UNC5B: variants seen among roughly 807,000 people sequenced by gnomAD.
UNC5B encodes the protein netrin receptor UNC5B.
A neutral mutation model predicts 103.7 loss-of-function variants in UNC5B; 56 were observed. The ratio of observed to expected loss-of-function variants is 0.54; its 90% CI spans 0.44 to 0.67. UNC5B has a LOEUF of 0.67. Among genes scored for constraint, UNC5B ranks in the 30% least tolerant of loss-of-function variants. UNC5B has a pLI of 0.00. For synonymous variants in UNC5B, 577 were observed against 542.0 expected (o/e 1.06, Z -0.90); for missense variants, 1,194 against 1,284.5 (o/e 0.93, Z 1.08).
At chr10:71,253,824 T>G (rs1844230507) in intron 1 of UNC5B, among the ~76,000 whole-genome samples, 2 of 152,090 alleles carry the variant, frequency 1.3e-5, no homozygotes, top group Admixed American at 6.5e-5. Flanking sequence ...CGCAGGACAC[T>G]AGGAAAGCTG....
At chr10:71,240,840 A>G (rs1843883279) in intron 1 of UNC5B, among the ~76,000 whole-genome samples, 1 of 152,224 alleles carries the variant, frequency 6.6e-6, no homozygotes, top group Non-Finnish European at 1.5e-5. Context: ...TTAGAAGAAG[A>G]TGGGGCAGGC....
intron 1 of UNC5B, among the ~76,000 whole-genome samples, chr10:71,248,533 A>T (rs1054539932): frequency 3.9e-5 from 6 of 152,174 alleles, no homozygotes; most frequent in African/African-American, 1.4e-4. Context: ...ATTTGGGCCT[A>T]AAGGGCTTCA....
At chr10:71,289,047 G>T (rs973205805) in intron 8 of UNC5B, 57 bp downstream of exon 8, 2 of 1,613,342 alleles carry the variant, frequency 1.2e-6, no homozygotes, top group African/African-American at 1.3e-5. Context: ...GTTCTCTTTG[G>T]CTGGCTTTTC....
At position 71,247,000 on chromosome 10, in the gene UNC5B, G is replaced by A. The variant is rs573811444; in HGVS notation, c.80-32821G>A. On this transcript the variant is annotated intron_variant, in intron 1 of 16. Transcript: ENST00000335350. ...AGCCGTCCAGGACCTGTCTGATCAC[G>A]CCCCTGCTACCTGGAGAATGTCAGC... Among the ~76,000 whole-genome samples the A allele has an allele frequency of 3.9e-5, 6 of 152,252 alleles. 1 individual carries two copies. The highest frequency in any genetic ancestry group is 3.9e-4 in the Admixed American group (6 of 15,294).
intron 1 of UNC5B, among the ~76,000 whole-genome samples, chr10:71,254,634 G>T (rs748974317): frequency 6.6e-6 from 1 of 152,162 alleles, no homozygotes; most frequent in Non-Finnish European, 1.5e-5. Context: ...CCATTCTCCC[G>T]CCTCCCACCT....
At chr10:71,269,585 C>G (rs1476410819) in intron 1 of UNC5B, among the ~76,000 whole-genome samples, 1 of 152,044 alleles carries the variant, frequency 6.6e-6, no homozygotes, top group Non-Finnish European at 1.5e-5. Context: ...GCTGCCCAAA[C>G]CCCCTCTGAC....
At chr10:71,251,152 G>A (rs1182142742) in intron 1 of UNC5B, among the ~76,000 whole-genome samples, 1 of 152,188 alleles carries the variant, frequency 6.6e-6, no homozygotes, top group Non-Finnish European at 1.5e-5. Context: ...AGGACTCAGA[G>A]TGGGTAATCT....
chr10:71,282,341 TTGCCATGCTTGGGAGGGCAGTCTGA>T (rs929234573), intron 2 of UNC5B, among the ~76,000 whole-genome samples: 1 of 152,168 alleles, frequency 6.6e-6, no homozygotes, highest in Non-Finnish European at 1.5e-5. Context: ...GGGCCAGGCA[TTGCCATGCTTGGGAGGGCAGTCTGA>T]TGCTGGGCCT....
chr10:71,280,110 C>T, intron 2 of UNC5B, 65 bp downstream of exon 2: 1 of 1,521,076 alleles, frequency 6.6e-7, no homozygotes, highest in South Asian at 1.1e-5. Flanking sequence ...AGGCCTAGCT[C>T]CATGTGAGAC....
intron 1 of UNC5B, among the ~76,000 whole-genome samples, chr10:71,215,094 T>C (rs1247210248): frequency 1.3e-5 from 2 of 152,218 alleles, no homozygotes; most frequent in African/African-American, 4.8e-5. Flanking sequence ...TGTCCCTTCC[T>C]CCCACACAAT....
chr10:71,277,249 C>T (rs1844794077), intron 1 of UNC5B, among the ~76,000 whole-genome samples: 1 of 152,260 alleles, frequency 6.6e-6, no homozygotes, highest in Non-Finnish European at 1.5e-5. Context: ...ACGTGACATG[C>T]ACCCATGGGC....
rs567214271 is a variant in UNC5B, at chr10:71,273,721, G to A, written c.80-6100G>A. ...AGCTCCACTCCACTCCTAGACGGGC[G>A]CCCTGTTGCCCATGGGGGACACCAG... is the stretch of plus-strand genomic sequence containing the variant. On this transcript the variant is annotated intron_variant, in intron 1 of 16. Coordinates refer to ENST00000335350, the MANE Select transcript of UNC5B (RefSeq NM_170744.5). Among the ~76,000 whole-genome samples the A allele has an allele frequency of 4.0e-4, 61 of 152,296 alleles. 1 individual carries two copies. The highest frequency in any genetic ancestry group is 1.4e-3 in the African/African-American group (57 of 41,580).
chr10:71,269,798 A>G (rs1010466200), intron 1 of UNC5B, among the ~76,000 whole-genome samples: 6 of 148,384 alleles, frequency 4.0e-5, no homozygotes, highest in South Asian at 4.1e-4. Flanking sequence ...TGCCAAGAGA[A>G]AAAAAAAGGC....
chr10:71,258,347 C>T (rs1307293235), intron 1 of UNC5B, among the ~76,000 whole-genome samples: 3 of 152,200 alleles, frequency 2.0e-5, no homozygotes, highest in Admixed American at 6.5e-5. Flanking sequence ...TGTCTCTGCC[C>T]ACCTGCTGGC....
chr10:71,250,452 T>C (rs1844148030), intron 1 of UNC5B, among the ~76,000 whole-genome samples: 1 of 152,224 alleles, frequency 6.6e-6, no homozygotes, highest in African/African-American at 2.4e-5. Flanking sequence ...CCGAGGAATC[T>C]TTTCCTGATA....
chr10:71,250,175 C>T (rs1287339707), intron 1 of UNC5B, among the ~76,000 whole-genome samples: 1 of 152,264 alleles, frequency 6.6e-6, no homozygotes, highest in African/African-American at 2.4e-5. Flanking sequence ...GCCCCAGGCC[C>T]TGCTCCCCAG....
chr10:71,225,766 C>G (rs1446125854), intron 1 of UNC5B, among the ~76,000 whole-genome samples: 3 of 152,176 alleles, frequency 2.0e-5, no homozygotes, highest in Non-Finnish European at 4.4e-5. Flanking sequence ...TGTTCAGAGC[C>G]TGAGACGTAA....
chr10:71,229,089 C>T (rs1247975616), intron 1 of UNC5B, among the ~76,000 whole-genome samples: 1 of 152,188 alleles, frequency 6.6e-6, no homozygotes. Flanking sequence ...GAACTTGGAG[C>T]TGCTTTATAA....
At chr10:71,221,784 T>C (rs545908350) in intron 1 of UNC5B, among the ~76,000 whole-genome samples, 6 of 152,200 alleles carry the variant, frequency 3.9e-5, no homozygotes, top group Non-Finnish European at 7.4e-5. Flanking sequence ...GTCACATTAC[T>C]TGGGTTCAAA....
Sources: gnomAD v4.1 joint callset for allele counts (sites outside exome capture counted in the v4.1 genomes callset) on GRCh38, gnomAD v4.1.1 for gene constraint, MANE v1.5 for transcripts, NCBI Gene and HGNC (gene_info 2026-07-23, HGNC 2026-07-21) for gene names.